CCDC192: variants seen among roughly 807,000 people sequenced by gnomAD.
CCDC192 encodes coiled-coil domain-containing protein 192.
In CCDC192 at chr5:127,767,508, T is replaced by C. The variant is rs149267784; in HGVS notation, c.222+13133T>C. Reference sequence around the variant, plus strand: ...TGTAATTACTTTATGTCCAATCTCATGTTGACTTTAATTTCTTAGAACCCA... The same window carrying C: ...TGTAATTACTTTATGTCCAATCTCACGTTGACTTTAATTTCTTAGAACCCA... On this transcript the variant is annotated intron_variant, in intron 3 of 6. Coordinates refer to ENST00000514853, the MANE Select transcript of CCDC192 (RefSeq NM_001317938.2). 1.0e-3 allele frequency among the ~76,000 whole-genome samples: 154 copies of C among 152,334 alleles called. 1 individual carries two copies. Among genetic ancestry groups the C allele is most frequent in the African/African-American group, 3.5e-3 (144 of 41,574 alleles).
chr5:127,830,012 C>G (rs769972364), intron 5 of CCDC192, among the ~76,000 whole-genome samples: 31 of 152,040 alleles, frequency 2.0e-4, no homozygotes, highest in Non-Finnish European at 4.3e-4. Context: ...TATTTAGTAC[C>G]TACTTTATAT....
chr5:127,934,759 A>T (rs571807157), intron 6 of CCDC192, among the ~76,000 whole-genome samples: 7 of 152,204 alleles, frequency 4.6e-5, no homozygotes, highest in African/African-American at 1.2e-4. Flanking sequence ...TAGGTTTGTC[A>T]ATTTAAGTGG....
At chr5:127,731,788 A>G (rs1264008637) in intron 2 of CCDC192, among the ~76,000 whole-genome samples, 1 of 152,204 alleles carries the variant, frequency 6.6e-6, no homozygotes, top group African/African-American at 2.4e-5. Context: ...ATGGTGCTGG[A>G]GAACTGGCTA....
intron 6 of CCDC192, among the ~76,000 whole-genome samples, chr5:127,878,695 T>G (rs992449461): frequency 1.6e-4 from 25 of 152,034 alleles, no homozygotes; most frequent in African/African-American, 6.0e-4. Flanking sequence ...GCGGGCTCTT[T>G]TTTGGTTCCA....
intron 6 of CCDC192, among the ~76,000 whole-genome samples, chr5:127,927,140 TATGCATGG>T (rs1753885059): frequency 6.6e-6 from 1 of 152,140 alleles, no homozygotes. Context: ...CGTTCCCTTT[TATGCATGG>T]TTTTGCTTTC....
At chr5:127,862,778 T>C (rs1580765957) in intron 5 of CCDC192, among the ~76,000 whole-genome samples, 2 of 152,318 alleles carry the variant, frequency 1.3e-5, no homozygotes, top group Admixed American at 6.5e-5. Context: ...CTTATACTAA[T>C]GCATTGAGTT....
At chr5:127,744,281 A>G (rs2126847919) in intron 2 of CCDC192, among the ~76,000 whole-genome samples, 1 of 151,934 alleles carries the variant, frequency 6.6e-6, no homozygotes, top group Non-Finnish European at 1.5e-5. Context: ...GAAGATGATC[A>G]GCTGGGGAAA....
At chr5:127,796,265 A>G (rs1757159697) in intron 3 of CCDC192, among the ~76,000 whole-genome samples, 1 of 152,362 alleles carries the variant, frequency 6.6e-6, no homozygotes, top group South Asian at 2.1e-4. Context: ...AGTTTTCTCA[A>G]AATGAGACAA....
intron 5 of CCDC192, among the ~76,000 whole-genome samples, chr5:127,817,889 C>T (rs943630551): frequency 2.6e-5 from 4 of 152,142 alleles, no homozygotes; most frequent in African/African-American, 9.7e-5. Context: ...CTGAACCACG[C>T]TTTTAGAAAC....
At chr5:127,880,586 A>G (rs1382412912) in intron 6 of CCDC192, among the ~76,000 whole-genome samples, 1 of 151,926 alleles carries the variant, frequency 6.6e-6, no homozygotes, top group Non-Finnish European at 1.5e-5. Context: ...CATGTACCCT[A>G]AAACTTAAAG....
At chr5:127,741,621 G>C (rs1186967241) in intron 2 of CCDC192, among the ~76,000 whole-genome samples, 3 of 152,100 alleles carry the variant, frequency 2.0e-5, no homozygotes, top group Non-Finnish European at 4.4e-5. Flanking sequence ...ATGATAGAGG[G>C]CTATTTTAGG....
At chr5:127,757,576 A>C (rs2126881196) in intron 3 of CCDC192, among the ~76,000 whole-genome samples, 1 of 152,094 alleles carries the variant, frequency 6.6e-6, no homozygotes, top group South Asian at 2.1e-4. Context: ...TCAACATTAA[A>C]AACATATGGA....
chr5:127,919,961 C>T lies in CCDC192; in HGVS notation c.536-21221C>T, dbSNP rs1304074286. ...GCTAGCAGCCACTTACTCTCTGTTA[C>T]TTTCTGTGGCACATCATTATACTTC... is the stretch of plus-strand genomic sequence containing the variant. On this transcript the variant is annotated intron_variant, in intron 6 of 6. Transcript: ENST00000514853. Among the ~76,000 whole-genome samples the T allele has an allele frequency of 3.3e-5, 5 of 152,324 alleles. No homozygotes were observed. In the East Asian group the frequency reaches 9.7e-4, roughly 29 times the overall value.
intron 2 of CCDC192, among the ~76,000 whole-genome samples, chr5:127,739,057 G>T (rs1238624905): frequency 6.6e-6 from 1 of 152,034 alleles, no homozygotes; most frequent in East Asian, 1.9e-4. Context: ...CCATCTTTGT[G>T]GTTTTATCTA....
chr5:127,713,737 T>C (rs1386163140), intron 2 of CCDC192, among the ~76,000 whole-genome samples: 1 of 152,356 alleles, frequency 6.6e-6, no homozygotes, highest in East Asian at 1.9e-4. Flanking sequence ...CACATAATAA[T>C]TGTACATATT....
Position 127,713,221 on chromosome 5 carries a change from C to T in CCDC192, c.114+5461C>T, listed in dbSNP as rs192562856. Among the ~76,000 whole-genome samples, 680 of 150,302 alleles carry T rather than the reference C, an allele frequency of 4.5e-3. 5 individuals are homozygous for T. The highest frequency in any genetic ancestry group is 0.016 in the African/African-American group (650 of 40,806). ...TGGACTCCAGCCTGGGCAACAACAG[C>T]GAAACTCTATCTCAAAAAAAAAAAA... On this transcript the variant is annotated intron_variant, in intron 2 of 6. Coordinates refer to ENST00000514853, the MANE Select transcript of CCDC192 (RefSeq NM_001317938.2).
At position 127,777,732 on chromosome 5, in the gene CCDC192, G is replaced by C. The variant is rs185075454; in HGVS notation, c.223-19371G>C. 1.7e-3 allele frequency among the ~76,000 whole-genome samples: 253 copies of C among 152,312 alleles called. 2 individuals carry two copies. Among genetic ancestry groups the C allele is most frequent in the Middle Eastern group, 6.8e-3 (2 of 294 alleles). The stretch of plus-strand genomic sequence containing the variant: ...ATTCCCCCATACTGTTCTTGTGATA[G>C]AGAATAAGTCACAAGAGATCTGATG... On this transcript the variant is annotated intron_variant, in intron 3 of 6. Transcript: ENST00000514853.
Position 127,777,819 on chromosome 5 carries a change from T to G in CCDC192, c.223-19284T>G, listed in dbSNP as rs576654189. 2.4e-4 allele frequency among the ~76,000 whole-genome samples: 37 copies of G among 152,292 alleles called. 1 individual carries two copies. The South Asian group carries it at 6.0e-3, about 25-fold the overall frequency. ...TTTTGCCAGCTGCCATGTAAGACATTCCTTTGCTCTTTCTTCATCTTCTGC... is the reference window on the plus strand; with the variant it reads ...TTTTGCCAGCTGCCATGTAAGACATGCCTTTGCTCTTTCTTCATCTTCTGC... On this transcript the variant is annotated intron_variant, in intron 3 of 6. Coordinates refer to ENST00000514853, the MANE Select transcript of CCDC192 (RefSeq NM_001317938.2).
rs1754393532 is a variant in CCDC192 at position 127,941,231 on chromosome 5, A to C, written c.585A>C (p.Glu195Asp). The change falls in exon 7 of 7, where the codon GAA (glutamate) becomes GAC (aspartate). Residue 195 changes from glutamate (E) to aspartate (D), a missense_variant. Glu to Asp is a conservative substitution (Grantham distance 45). Coordinates refer to ENST00000514853, the MANE Select transcript of CCDC192 (RefSeq NM_001317938.2). ...GTGGAGGTCTCCCACCTGTGGAAGA[A>C]GGTGATAGAAAAATTAGCCTGATAA... is the stretch of plus-strand genomic sequence containing the variant. ...GFCGGLPPVE[E>D]GDRKISLIME... The C allele has an allele frequency of 7.5e-6, 3 of 398,906 alleles. No individual in the cohort carries two copies. Among genetic ancestry groups the C allele is most frequent in the Non-Finnish European group, 1.3e-5 (3 of 226,068 alleles). 24.7% of individuals were successfully genotyped at this position (398,906 alleles called of 1,614,324 possible).
Sources: gnomAD v4.1 joint callset for allele counts (sites outside exome capture counted in the v4.1 genomes callset) on GRCh38, gnomAD v4.1.1 for gene constraint, MANE v1.5 for transcripts, NCBI Gene and HGNC (gene_info 2026-07-23, HGNC 2026-07-21) for gene names.